ZNF66: variants seen among roughly 807,000 people sequenced by gnomAD.
The protein encoded by ZNF66 is putative zinc finger protein 66.
Under a neutral mutation model 35.2 loss-of-function variants are expected in ZNF66, and 32 were observed. That is an observed-to-expected ratio of 0.91 (90% CI 0.69 to 1.22). ZNF66 has a LOEUF of 1.22. ZNF66 is among the 50% of genes most tolerant of loss of function. The probability of loss-of-function intolerance (pLI) is 0.00; values close to 1 mark genes in which losing one functional copy is unlikely to be tolerated. For missense variants in ZNF66, 666 were observed against 543.1 expected (o/e 1.23, Z -2.25); for synonymous variants, 231 against 181.3 (o/e 1.27, Z -2.20).
chr19:20,800,855 A>G (rs1442193706), intron 3 of ZNF66, among the ~76,000 whole-genome samples: 1 of 152,126 alleles, frequency 6.6e-6, no homozygotes, highest in Non-Finnish European at 1.5e-5. Context: ...GGTCTATAAT[A>G]TTGTCACAGT....
chr19:20,804,088 G>T (rs1971476723), intron 3 of ZNF66, among the ~76,000 whole-genome samples: 1 of 151,818 alleles, frequency 6.6e-6, no homozygotes, highest in African/African-American at 2.4e-5. Flanking sequence ...CATTTTTAAA[G>T]AAATTTTCCA....
chr19:20,803,931 T>A (rs1971475118), intron 3 of ZNF66, among the ~76,000 whole-genome samples: 1 of 151,600 alleles, frequency 6.6e-6, no homozygotes, highest in Admixed American at 6.6e-5. Context: ...CTTGCAAAAA[T>A]TTTTTTGATA....
At chr19:20,783,642 AAG>A (rs1971263181) in intron 1 of ZNF66, among the ~76,000 whole-genome samples, 1 of 152,366 alleles carries the variant, frequency 6.6e-6, no homozygotes, top group African/African-American at 2.4e-5. Flanking sequence ...TAAAGACTAA[AAG>A]ATACTAAGTT....
rs1389353914 is a variant in ZNF66, at chr19:20,776,326, C to G, written c.-122C>G. On this transcript the variant is annotated 5_prime_UTR_variant, in exon 1 of 4. Transcript: ENST00000344519. ...TTTGTCTCTCCCTGCAGCTGGAGCT[C>G]CAGGTCGTCTGTTCACTGCTCTCTG... 1.4e-6 allele frequency: 2 copies of G among 1,431,416 alleles called. No homozygotes were observed. Among genetic ancestry groups the G allele is most frequent in the African/African-American group, 1.4e-5 (1 of 71,164 alleles). The allele number at this position is 1,431,416 out of a possible 1,614,324, so 88.7% of individuals were successfully genotyped here.
In ZNF66 at chr19:20,776,379, G is replaced by A. The variant is rs1384790787; in HGVS notation, c.-69G>A. On this transcript the variant is annotated 5_prime_UTR_variant, in exon 1 of 4. In the 5' UTR this introduces an upstream ATG that the reference lacks. Coordinates refer to ENST00000344519, the MANE Select transcript of ZNF66 (RefSeq NM_001355197.2). ...TTCTTCTCCTAGAGGCCCAGCCTCTGTGGCCCTGTGTCCTGCAGGTATTGG... is the reference window on the plus strand; with the variant it reads ...TTCTTCTCCTAGAGGCCCAGCCTCTATGGCCCTGTGTCCTGCAGGTATTGG... The A allele has an allele frequency of 3.9e-6, 6 of 1,524,796 alleles. No individual in the cohort carries two copies. Among genetic ancestry groups the A allele is most frequent in the Non-Finnish European group, 5.4e-6 (6 of 1,101,070 alleles). 94.5% of individuals were successfully genotyped at this position (1,524,796 alleles called of 1,614,324 possible).
chr19:20,800,546 G>A (rs1194460668), intron 3 of ZNF66, among the ~76,000 whole-genome samples: 1 of 152,132 alleles, frequency 6.6e-6, no homozygotes, highest in Admixed American at 6.5e-5. Flanking sequence ...AATTTCTCAT[G>A]AATGGCTTGG....
intron 3 of ZNF66, among the ~76,000 whole-genome samples, chr19:20,796,221 G>T (rs1194107720): frequency 2.1e-5 from 3 of 145,410 alleles, no homozygotes; most frequent in African/African-American, 2.5e-5. Context: ...AGAGATGGCT[G>T]ACTTTTTTTT....
At chr19:20,779,763 C>CT (rs1176200928) in intron 1 of ZNF66, among the ~76,000 whole-genome samples, 4 of 136,576 alleles carry the variant, frequency 2.9e-5, no homozygotes, top group Non-Finnish European at 4.7e-5. Context: ...CCCATCACTA[C>CT]AAAAAAAAAA....
At chr19:20,792,250 T>C (rs1013958029) in intron 1 of ZNF66, among the ~76,000 whole-genome samples, 5 of 152,242 alleles carry the variant, frequency 3.3e-5, no homozygotes, top group African/African-American at 1.2e-4. Context: ...AATGTACATG[T>C]TTGTGTTCAT....
rs1218753682 is a variant in ZNF66, at chr19:20,808,562, T to C, written c.*1240T>C. ...TGAAAATCCGCTGTTCTACAGCCACTGATGCTGATACCCAGGCAAACAGCG... is the reference window on the plus strand; with the variant it reads ...TGAAAATCCGCTGTTCTACAGCCACCGATGCTGATACCCAGGCAAACAGCG... On this transcript the variant is annotated 3_prime_UTR_variant, in exon 4 of 4. Transcript: ENST00000344519. Among the ~76,000 whole-genome samples the C allele has an allele frequency of 6.6e-6, 1 of 152,178 alleles. No homozygotes were observed. The highest frequency in any genetic ancestry group is 1.5e-5 in the Non-Finnish European group (1 of 68,032).
At chr19:20,795,804 C>T (rs1971386745) in intron 3 of ZNF66, among the ~76,000 whole-genome samples, 1 of 152,114 alleles carries the variant, frequency 6.6e-6, no homozygotes, top group Non-Finnish European at 1.5e-5. Flanking sequence ...TAAATGGGTG[C>T]CTTCCTCCAG....
At chr19:20,777,874 CT>C (rs1202190486) in intron 1 of ZNF66, among the ~76,000 whole-genome samples, 1 of 152,062 alleles carries the variant, frequency 6.6e-6, no homozygotes, top group Non-Finnish European at 1.5e-5. Flanking sequence ...GGGAAAATCT[CT>C]CTTCCATTTT....
At chr19:20,801,055 T>G (rs1212095494) in intron 3 of ZNF66, among the ~76,000 whole-genome samples, 1 of 152,152 alleles carries the variant, frequency 6.6e-6, no homozygotes, top group Admixed American at 6.6e-5. Flanking sequence ...TATAGATTCC[T>G]GCTAAATCAA....
rs1971532798 is a variant in ZNF66 at position 20,807,411 on chromosome 19, C to T, written c.*89C>T. ...TGAATGTGGGAAAGACTTTAACCAG[C>T]TATCAACTTTTACTAAATATGAGAA... On this transcript the variant is annotated 3_prime_UTR_variant, in exon 4 of 4. Coordinates refer to ENST00000344519, the MANE Select transcript of ZNF66 (RefSeq NM_001355197.2). 1 of 554,300 alleles carries T rather than the reference C, an allele frequency of 1.8e-6. No individual in the cohort carries two copies. The highest frequency in any genetic ancestry group is 3.2e-5 in the Admixed American group (1 of 31,308). 34.3% of individuals were successfully genotyped at this position (554,300 alleles called of 1,614,324 possible). A position where few individuals can be genotyped will look rare whatever the true frequency, so the allele number is the denominator to read the frequency against.
At chr19:20,776,611 C>T (rs1971197079) in intron 1 of ZNF66, 161 bp downstream of exon 1, 5 of 1,057,392 alleles carry the variant, frequency 4.7e-6, no homozygotes, top group Non-Finnish European at 6.9e-6. Flanking sequence ...ACAGCCTGGC[C>T]CCCGGGCGTC....
intron 3 of ZNF66, among the ~76,000 whole-genome samples, chr19:20,798,675 T>A (rs1420028324): frequency 6.6e-6 from 1 of 152,078 alleles, no homozygotes; most frequent in Admixed American, 6.6e-5. Flanking sequence ...AAGTAACAAC[T>A]GCTCATTTTA....
intron 3 of ZNF66, among the ~76,000 whole-genome samples, chr19:20,802,219 A>G (rs1469437004): frequency 1.3e-5 from 2 of 152,168 alleles, no homozygotes; most frequent in Non-Finnish European, 2.9e-5. Flanking sequence ...TTTAGATTCC[A>G]TATACTTTTG....
chr19:20,801,339 A>T (rs1054279113), intron 3 of ZNF66, among the ~76,000 whole-genome samples: 2 of 140,318 alleles, frequency 1.4e-5, no homozygotes, highest in African/African-American at 5.2e-5. Context: ...TTTATTATTC[A>T]TTTTATTTTA....
chr19:20,781,987 A>G (rs1316577365), intron 1 of ZNF66, among the ~76,000 whole-genome samples: 2 of 152,172 alleles, frequency 1.3e-5, no homozygotes, highest in Non-Finnish European at 2.9e-5. Context: ...CCCAGGCCAG[A>G]GTGCCATGGC....
Sources: gnomAD v4.1 joint callset for allele counts (sites outside exome capture counted in the v4.1 genomes callset) on GRCh38, gnomAD v4.1.1 for gene constraint, MANE v1.5 for transcripts, NCBI Gene and HGNC (gene_info 2026-07-23, HGNC 2026-07-21) for gene names.